The following CFAP74 variants were observed in gnomAD, a reference collection of about 807,000 sequenced individuals.
CFAP74 encodes the protein cilia- and flagella-associated protein 74.
In CFAP74, 124 loss-of-function variants were observed where a neutral mutation model predicts 188.9. That is an observed-to-expected ratio of 0.66 (90% confidence interval 0.57 to 0.76). The LOEUF (loss-of-function observed/expected upper bound fraction) is 0.76, where lower values mean the gene tolerates loss of function less well. Ranked by LOEUF, CFAP74 falls within the 30% of genes least tolerant of loss-of-function variation. The probability of loss-of-function intolerance (pLI) is 0.00; values close to 1 mark genes in which losing one functional copy is unlikely to be tolerated. For missense variants in CFAP74, 2,198 were observed against 2,165.2 expected (o/e 1.02, Z -0.30); for synonymous variants, 956 against 916.7 (o/e 1.04, Z -0.77).
chr1:1,971,990 G>A lies in CFAP74; in HGVS notation c.878C>T (p.Ser293Phe). Reference sequence around the variant, plus strand: ...GCTGCGGGGGCCTACCCGGTTCGCGGAGATGCTGCCCTTCAGCGCCACCAC... The same window carrying A: ...GCTGCGGGGGCCTACCCGGTTCGCGAAGATGCTGCCCTTCAGCGCCACCAC... ...DAVVALKGSI[S>F]ANRDTLRKFQ... Residue 293 changes from serine to phenylalanine, a missense_variant, in exon 9 of 39, where the codon TCC becomes TTC. Ser to Phe is a radical substitution (Grantham distance 155). Coordinates refer to ENST00000682832, the MANE Select transcript of CFAP74 (RefSeq NM_001304360.2). The A allele has an allele frequency of 6.2e-7, 1 of 1,610,340 alleles. No individual in the cohort carries two copies. Among genetic ancestry groups the A allele is most frequent in the South Asian group, 1.1e-5 (1 of 91,080 alleles).
Position 1,955,794 on chromosome 1 carries a change from G to T in CFAP74, c.2073C>A (p.Phe691Leu). 1 of 1,614,234 alleles carries T rather than the reference G, an allele frequency of 6.2e-7. No homozygotes were observed. The highest frequency in any genetic ancestry group is 2.2e-5 in the East Asian group (1 of 44,882). ...KSLYDKAATS[F>L]SEQQLEGTES... The stretch of plus-strand genomic sequence containing the variant: ...CCGTGCCCTCTAGCTGCTGCTCAGA[G>T]AAGCTGGTGGCGGCTTTGTCATACA... Residue 691 changes from phenylalanine (F) to leucine (L), a missense_variant, in exon 18 of 39, where the codon TTC (phenylalanine) becomes TTA (leucine). Phe to Leu is a conservative substitution (Grantham distance 22, BLOSUM62 0). Coordinates refer to ENST00000682832, the MANE Select transcript of CFAP74 (RefSeq NM_001304360.2).
chr1:1,923,003 G>C lies in CFAP74; in HGVS notation c.4665C>G (p.Thr1555=). The C allele has an allele frequency of 2.5e-6, 4 of 1,587,654 alleles. No individual in the cohort carries two copies. The highest frequency in any genetic ancestry group is 1.1e-5 in the South Asian group (1 of 87,612). Residue 1555 remains threonine, a synonymous_variant, in exon 37 of 39, where the codon ACC becomes ACG. Transcript: ENST00000682832. The surrounding 1 kb of genome is among the most constrained non-coding windows in gnomAD (Gnocchi z 6.3). ...RELQVGCIRT[T]QPSPKKTVEF... ...TGGGCACCTTCTTTGGAGATGGCTG[G>C]GTGGTCCGGATACAGCCCACCTGCA...
chr1:1,954,454 TTGG>T (rs1654400715), intron 18 of CFAP74: 2 of 154,334 alleles, frequency 1.3e-5, no homozygotes, highest in Admixed American at 6.5e-5. Context: ...TTGTACACTG[TTGG>T]TGGGAGTGTA....
chr1:1,956,853 G>C (rs1654677151), intron 16 of CFAP74, 69 bp from the exon 17 acceptor site: 1 of 1,531,178 alleles, frequency 6.5e-7, no homozygotes, highest in Non-Finnish European at 8.9e-7. Context: ...CGTGAGGCCT[G>C]CACGTGGCTC....
chr1:1,963,718 G>A lies in CFAP74; in HGVS notation c.1694+31C>T, dbSNP rs78867165. On this transcript the variant is annotated intron_variant, in intron 14 of 38. Transcript: ENST00000682832. ...ATGAACCTCCTGCTGTCCCTGCACC[G>A]CGTCCCTCCCTGTCTGAGCCGTCCT... 1.9e-4 allele frequency: 271 copies of A among 1,421,646 alleles called. No individual in the cohort carries two copies. The African/African-American group carries it at 3.0e-3, about 16-fold the overall frequency. 88.1% of individuals were successfully genotyped at this position (1,421,646 alleles called of 1,614,324 possible). A position where few individuals can be genotyped will look rare whatever the true frequency, so the allele number is the denominator to read the frequency against.
In CFAP74 at chr1:1,973,117, G is replaced by A. The variant is rs993535344; in HGVS notation, c.675-70C>T. 1.4e-5 allele frequency: 16 copies of A among 1,144,200 alleles called. No homozygotes were observed. Among genetic ancestry groups the A allele is most frequent in the African/African-American group, 9.3e-5 (6 of 64,510 alleles). 70.9% of individuals were successfully genotyped at this position (1,144,200 alleles called of 1,614,324 possible). ...TCCCATCTGCCCCCAAGCCCTGCAC[G>A]GCTGGAGCTCGTGTCCCAGAGACGC... On this transcript the variant is annotated intron_variant, in intron 7 of 38. Transcript: ENST00000682832. This position sits in a 1 kb window ranked among gnomAD's most constrained non-coding sequence, Gnocchi z 6.2.
At chr1:1,954,174 C>A in intron 18 of CFAP74, 1 of 152,434 alleles carries the variant, frequency 6.6e-6, no homozygotes, top group Non-Finnish European at 1.5e-5. Flanking sequence ...GCCCCCCAGA[C>A]AAGCAGCCCC....
chr1:1,955,577 C>T (rs1199997089), intron 18 of CFAP74, 114 bp downstream of exon 18: 4 of 1,612,168 alleles, frequency 2.5e-6, no homozygotes, highest in South Asian at 1.1e-5. Flanking sequence ...ACATCGAAGG[C>T]CTAGGAAAAT....
chr1:1,991,761 TG>T (rs1222474318), intron 1 of CFAP74, among the ~76,000 whole-genome samples: 6 of 151,770 alleles, frequency 4.0e-5, no homozygotes, highest in African/African-American at 1.5e-4. Context: ...TGAGATTGGC[TG>T]GGCGTGGTGG....
chr1:1,926,319 C>T lies in CFAP74; in HGVS notation c.3857G>A (p.Gly1286Asp). 1 of 1,547,582 alleles carries T rather than the reference C, an allele frequency of 6.5e-7. No individual in the cohort carries two copies. The highest frequency in any genetic ancestry group is 8.7e-7 in the Non-Finnish European group (1 of 1,145,386). ...GGAGTGGTTCAGCAGGACAAAGGGG[C>T]CGTTGGGGTTCAGCAGGGAGAAGTC... ...ALDFSLLNPN[G>D]PFVLLNHSSL... The change falls in exon 32 of 39, where the codon GGC becomes GAC. Residue 1286 changes from glycine (G) to aspartate (D), a missense_variant. Physicochemically the swap from Gly to Asp is moderately conservative, Grantham distance 94. Transcript: ENST00000682832.
chr1:1,959,988 T>C lies in CFAP74; in HGVS notation c.1737A>G (p.Glu579=), dbSNP rs749971814. 6.3e-7 allele frequency: 1 copy of C among 1,595,676 alleles called. No homozygotes were observed. Among genetic ancestry groups the C allele is most frequent in the East Asian group, 2.4e-5 (1 of 42,426 alleles). Residue 579 remains glutamate, a synonymous_variant, in exon 15 of 39, where the codon GAA becomes GAG. Transcript: ENST00000682832. ...CCATCGGCTTGAAGGTGACAAGCAC[T>C]TCACAGGACATTCCGGCTGACAGGG... ...PGPLSAGMSC[E]VLVTFKPMIN... is the part of the protein sequence containing the mutation.
rs530209212 is a variant in CFAP74 at position 1,946,938 on chromosome 1, G to A, written c.2241+52C>T. On this transcript the variant is annotated intron_variant, in intron 19 of 38. Coordinates refer to ENST00000682832, the MANE Select transcript of CFAP74 (RefSeq NM_001304360.2). ...GGGGTGCAGCTGGGGCTGGGGGAAG[G>A]TGGGCGGTGTCTTGGATCGTGGCAG... 1.8e-3 allele frequency: 2,516 copies of A among 1,384,294 alleles called. 16 individuals carry two copies. The highest frequency in any genetic ancestry group is 1.3e-3 in the Non-Finnish European group (1,301 of 1,008,968). The allele number at this position is 1,384,294 out of a possible 1,614,324, so 85.8% of individuals were successfully genotyped here.
chr1:1,952,372 A>C (rs1417843967), intron 18 of CFAP74, among the ~76,000 whole-genome samples: 2 of 151,998 alleles, frequency 1.3e-5, no homozygotes. Flanking sequence ...AAAGAAAAGA[A>C]ACAAAAAAGC....
intron 18 of CFAP74, among the ~76,000 whole-genome samples, chr1:1,948,713 T>C (rs1278184246): frequency 6.6e-6 from 1 of 150,918 alleles, no homozygotes; most frequent in African/African-American, 2.4e-5. Context: ...CTCAGCATCC[T>C]GAGTAGCTGG....
intron 26 of CFAP74, among the ~76,000 whole-genome samples, chr1:1,929,615 G>A (rs1157276848): frequency 1.3e-5 from 2 of 151,794 alleles, no homozygotes; most frequent in Non-Finnish European, 2.9e-5. Flanking sequence ...AGCCCTCAGG[G>A]TCACCCGAAG....
intron 14 of CFAP74, among the ~76,000 whole-genome samples, chr1:1,960,311 G>A (rs952038138): frequency 1.1e-4 from 17 of 152,272 alleles, no homozygotes; most frequent in Admixed American, 8.5e-4. Context: ...CAACTGCCAG[G>A]AAATGGGACC....
intron 1 of CFAP74, among the ~76,000 whole-genome samples, chr1:1,998,769 C>T (rs1432286862): frequency 6.6e-6 from 1 of 151,784 alleles, no homozygotes; most frequent in Non-Finnish European, 1.5e-5. Flanking sequence ...CCCAGCTACT[C>T]GGGAGGCTGA....
intron 3 of CFAP74, 114 bp downstream of exon 3, chr1:1,988,775 C>T: frequency 1.5e-6 from 2 of 1,349,366 alleles, no homozygotes; most frequent in Non-Finnish European, 2.0e-6. Context: ...GCTGCGGGAG[C>T]TACAGCCTGT....
At chr1:1,993,726 C>A (rs5021357) in intron 1 of CFAP74, among the ~76,000 whole-genome samples, 2 of 61,656 alleles carry the variant, frequency 3.2e-5, no homozygotes, top group Non-Finnish European at 7.2e-5. Flanking sequence ...CTCACGCCTG[C>A]AATCCCAGCA....
Sources: allele counts gnomAD v4.1 joint callset (sites outside exome capture counted in the v4.1 genomes callset), GRCh38; gene constraint gnomAD v4.1.1; non-coding constraint Gnocchi (gnomAD v3.1); transcripts MANE v1.5; gene names NCBI Gene and HGNC (gene_info 2026-07-23, HGNC 2026-07-21).